ATOSA: variants seen among roughly 807,000 people sequenced by gnomAD.
The protein encoded by ATOSA is atos homolog protein A.
At chr15:52,622,621 G>A in the ATOSA span, among the ~76,000 whole-genome samples, 1 of 152,100 alleles carries the variant, frequency 6.6e-6, no homozygotes, top group Non-Finnish European at 1.5e-5. Context: ...AATGATTATG[G>A]CAATGCTTTA....
At chr15:52,605,179 G>A in the ATOSA span, 1 of 1,611,282 alleles carries the variant, frequency 6.2e-7, no homozygotes, top group Non-Finnish European at 8.5e-7. Context: ...AAAGGCTCTG[G>A]TTGAAGTTCC....
chr15:52,603,076 C>T, the ATOSA span, among the ~76,000 whole-genome samples: 4 of 152,144 alleles, frequency 2.6e-5, no homozygotes, highest in African/African-American at 9.7e-5. Context: ...ACCAGCAAGA[C>T]GCTGAAAATT....
the ATOSA span, among the ~76,000 whole-genome samples, chr15:52,640,008 T>C: frequency 6.6e-6 from 1 of 151,962 alleles, no homozygotes; most frequent in South Asian, 2.1e-4. Flanking sequence ...TCCGCCGGCC[T>C]CAGCTTCCCA....
At chr15:52,660,187 T>C in the ATOSA span, among the ~76,000 whole-genome samples, 1 of 152,184 alleles carries the variant, frequency 6.6e-6, no homozygotes, top group African/African-American at 2.4e-5. Context: ...TTATCAAGCA[T>C]CTAATAAATA....
the ATOSA span, among the ~76,000 whole-genome samples, chr15:52,632,555 G>A: frequency 2.2e-4 from 33 of 152,234 alleles, no homozygotes; most frequent in Admixed American, 7.2e-4. Context: ...CCTAAGAAAT[G>A]TATGAGGAAA....
At chr15:52,675,959 G>T in the ATOSA span, among the ~76,000 whole-genome samples, 1 of 151,900 alleles carries the variant, frequency 6.6e-6, no homozygotes, top group Non-Finnish European at 1.5e-5. Context: ...GTTAAGTACG[G>T]TTATCTAATT....
At chr15:52,583,196 A>C in the ATOSA span, among the ~76,000 whole-genome samples, 2,670 of 152,298 alleles carry the variant, frequency 0.018, 82 homozygotes, top group African/African-American at 0.061. Flanking sequence ...GTTTCTTTAA[A>C]GTATCCTGTC....
At chr15:52,593,452 G>T in the ATOSA span, 1 of 835,600 alleles carries the variant, frequency 1.2e-6, no homozygotes, top group Non-Finnish European at 1.8e-6. Flanking sequence ...GTAATATTTT[G>T]GCATATTAGT....
the ATOSA span, among the ~76,000 whole-genome samples, chr15:52,654,980 C>G: frequency 6.6e-6 from 1 of 151,962 alleles, no homozygotes; most frequent in Non-Finnish European, 1.5e-5. Context: ...CCTACTGGCC[C>G]ATGGGCCAGG....
chr15:52,602,856 G>T, the ATOSA span, among the ~76,000 whole-genome samples: 1 of 152,224 alleles, frequency 6.6e-6, no homozygotes, highest in African/African-American at 2.4e-5. Context: ...CAGGGGAACT[G>T]AACCCTAGTG....
chr15:52,599,171 GCTCT>G, the ATOSA span, among the ~76,000 whole-genome samples: 8 of 152,166 alleles, frequency 5.3e-5, no homozygotes, highest in Non-Finnish European at 5.9e-5. Context: ...ATATCAGACT[GCTCT>G]CTTTTTCACT....
chr15:52,599,434 C>A, the ATOSA span, among the ~76,000 whole-genome samples: 1 of 152,038 alleles, frequency 6.6e-6, no homozygotes, highest in African/African-American at 2.4e-5. Flanking sequence ...AGTTATAAAG[C>A]AAATGGTTAA....
chr15:52,633,465 A>T, the ATOSA span, among the ~76,000 whole-genome samples: 2 of 152,214 alleles, frequency 1.3e-5, no homozygotes, highest in Admixed American at 6.5e-5. Flanking sequence ...GCAAGTTTCC[A>T]GGCTGAAGCA....
the ATOSA span, among the ~76,000 whole-genome samples, chr15:52,622,762 T>A: frequency 6.6e-6 from 1 of 151,854 alleles, no homozygotes; most frequent in Non-Finnish European, 1.5e-5. Flanking sequence ...AACGAATGGG[T>A]CAAATCCCAG....
the ATOSA span, among the ~76,000 whole-genome samples, chr15:52,632,591 C>T: frequency 5.8e-3 from 880 of 152,226 alleles, 4 homozygotes; most frequent in African/African-American, 0.02. Context: ...TGATTTTTGG[C>T]ACACTTTGCT....
At chr15:52,612,554 G>T in the ATOSA span, among the ~76,000 whole-genome samples, 1 of 148,206 alleles carries the variant, frequency 6.7e-6, no homozygotes, top group Non-Finnish European at 1.5e-5. Flanking sequence ...TCCCAGGCTG[G>T]AGTGTAATGG....
chr15:52,592,406 C>T, the ATOSA span, among the ~76,000 whole-genome samples: 1 of 152,212 alleles, frequency 6.6e-6, no homozygotes, highest in African/African-American at 2.4e-5. Context: ...AGCTACTTGT[C>T]TCTCTTTGTC....
At chr15:52,695,495 T>C in the ATOSA span, among the ~76,000 whole-genome samples, 2 of 152,232 alleles carry the variant, frequency 1.3e-5, 1 homozygote, top group South Asian at 4.1e-4. Flanking sequence ...TCCTTTGTGA[T>C]TAAGATCCTC....
chr15:52,690,560 A>G, the ATOSA span, among the ~76,000 whole-genome samples: 2 of 152,266 alleles, frequency 1.3e-5, no homozygotes, highest in African/African-American at 4.8e-5. Flanking sequence ...AACAAAGTGA[A>G]CAACAGAAAG....
Sources: allele counts gnomAD v4.1 joint callset (sites outside exome capture counted in the v4.1 genomes callset), GRCh38; gene constraint gnomAD v4.1.1; transcripts MANE v1.5; gene names NCBI Gene and HGNC (gene_info 2026-07-23, HGNC 2026-07-21).